Variants in ABCA9 observed in about 807,000 individuals in gnomAD.
The protein encoded by ABCA9 is ATP binding cassette subfamily A member 9, also known as ATP-binding cassette sub-family A member 9.
ABCA9 carries 183 observed loss-of-function variants against 205.3 expected under a neutral mutation model. That is an observed-to-expected ratio of 0.89 (90% CI 0.79 to 1.01). ABCA9 has a LOEUF of 1.01. Among genes scored for constraint, ABCA9 ranks in the 50% least tolerant of loss-of-function variants. ABCA9 has a pLI of 0.00. For missense variants in ABCA9, 1,805 were observed against 1,912.4 expected (o/e 0.94, Z 1.05); for synonymous variants, 651 against 683.3 (o/e 0.95, Z 0.74).
chr17:69,030,122 T>C (rs1220343472), intron 10 of ABCA9, among the ~76,000 whole-genome samples: 1 of 152,218 alleles, frequency 6.6e-6, no homozygotes, highest in East Asian at 1.9e-4. Flanking sequence ...TGTCTACATT[T>C]TTACTTACAT....
chr17:69,025,131 A>C (rs1379807359), intron 16 of ABCA9, among the ~76,000 whole-genome samples: 1 of 152,194 alleles, frequency 6.6e-6, no homozygotes, highest in African/African-American at 2.4e-5. Flanking sequence ...CTTCCAACAT[A>C]AAAATAATAT....
chr17:68,988,981 C>T (rs747789281), intron 31 of ABCA9, 46 bp downstream of exon 31: 1 of 1,182,078 alleles, frequency 8.5e-7, no homozygotes, highest in Non-Finnish European at 1.3e-6. Context: ...CATCAATATT[C>T]TTTGTAGGTA....
intron 37 of ABCA9, among the ~76,000 whole-genome samples, chr17:68,980,826 A>C (rs959596896): frequency 2.0e-5 from 3 of 151,652 alleles, no homozygotes; most frequent in African/African-American, 7.3e-5. Flanking sequence ...ATGACGAGTT[A>C]CTGGGTGCAG....
At chr17:69,069,394 C>G in the ABCA9 span, among the ~76,000 whole-genome samples, 5 of 152,132 alleles carry the variant, frequency 3.3e-5, no homozygotes, top group African/African-American at 1.2e-4. Flanking sequence ...GGGGAAGAAA[C>G]AGGTGAGTGT....
Position 69,023,953 on chromosome 17 carries a change from G to A in ABCA9, c.2281+261C>T, listed in dbSNP as rs1248995671. 6.6e-6 allele frequency among the ~76,000 whole-genome samples: 1 copy of A among 151,868 alleles called. No individual in the cohort carries two copies. The highest frequency in any genetic ancestry group is 6.6e-5 in the Admixed American group (1 of 15,256). On this transcript the variant is annotated intron_variant, in intron 17 of 38. Transcript: ENST00000340001. This position sits in a 1 kb window ranked among gnomAD's most constrained non-coding sequence, Gnocchi z 4.2. ...TTCCAAATAATTCTTATTTTATCTT[G>A]CTGCTAGCCTACGCCTCTTAATTGC...
chr17:69,054,394 G>C (rs529268119), intron 1 of ABCA9, among the ~76,000 whole-genome samples: 1 of 151,764 alleles, frequency 6.6e-6, no homozygotes, highest in African/African-American at 2.4e-5. Flanking sequence ...AGGCATGATG[G>C]CTTATGCCTG....
upstream of ABCA9, among the ~76,000 whole-genome samples, chr17:69,063,792 T>C (rs982051388): frequency 6.6e-6 from 1 of 152,196 alleles, no homozygotes; most frequent in African/African-American, 2.4e-5. Flanking sequence ...CAGGATGGTC[T>C]CGATCTCCTG....
intron 22 of ABCA9, among the ~76,000 whole-genome samples, chr17:69,015,410 T>C (rs1272989684): frequency 6.6e-6 from 1 of 152,100 alleles, no homozygotes; most frequent in Non-Finnish European, 1.5e-5. Flanking sequence ...CCTGAAGACA[T>C]AGAAGTGCAC....
At chr17:69,063,150 A>C (rs181252974), upstream of ABCA9, among the ~76,000 whole-genome samples, 2 of 147,654 alleles carry the variant, frequency 1.4e-5, no homozygotes, top group East Asian at 4.0e-4. Flanking sequence ...CTCAAATTAC[A>C]AATGCTATGC....
chr17:69,076,746 C>T, the ABCA9 span, among the ~76,000 whole-genome samples: 120,446 of 151,970 alleles, frequency 0.79, 50,922 homozygotes, highest in Non-Finnish European at 0.94. Context: ...TGGGAGATTG[C>T]GTGTTTCCAG....
At position 69,017,737 on chromosome 17, in the gene ABCA9, T is replaced by A; in HGVS notation, c.2820A>T (p.Ile940=). The part of the protein sequence containing the change: ...LHSLRRQNIA[I]EVDAFGTRNG... ...TTCTAGTTCCAAAGGCATCCACTTC[T>A]ATAGCTATGTTCTGTCGCCTCAGTG... is the stretch of plus-strand genomic sequence containing the variant. The change falls in exon 21 of 39, where the codon ATA becomes ATT. Residue 940 remains isoleucine, a synonymous_variant. Transcript: ENST00000340001. 1 of 1,613,460 alleles carries A rather than the reference T, an allele frequency of 6.2e-7. No homozygotes were observed. Among genetic ancestry groups the A allele is most frequent in the Non-Finnish European group, 8.5e-7 (1 of 1,179,500 alleles).
chr17:69,020,373 C>A lies in ABCA9; in HGVS notation c.2600+15G>T. ...GTTCACAGACAAAACAAATCTGAAACACTCAGATACTCACATAGTCCACAG... is the reference window on the plus strand; with the variant it reads ...GTTCACAGACAAAACAAATCTGAAAAACTCAGATACTCACATAGTCCACAG... On this transcript the variant is annotated intron_variant, in intron 19 of 38. Coordinates refer to ENST00000340001, the MANE Select transcript of ABCA9 (RefSeq NM_080283.4). The A allele has an allele frequency of 6.3e-7, 1 of 1,581,108 alleles. No individual in the cohort carries two copies. The highest frequency in any genetic ancestry group is 8.6e-7 in the Non-Finnish European group (1 of 1,167,612).
chr17:69,005,486 AACTCAGTC>A (rs1290871922), intron 25 of ABCA9, among the ~76,000 whole-genome samples: 22 of 152,192 alleles, frequency 1.4e-4, no homozygotes, highest in African/African-American at 5.3e-4. Context: ...CTAGGATGTT[AACTCAGTC>A]ACTCATGTAT....
intron 1 of ABCA9, among the ~76,000 whole-genome samples, chr17:69,055,246 G>A (rs1230971002): frequency 6.6e-6 from 1 of 152,132 alleles, no homozygotes; most frequent in African/African-American, 2.4e-5. Context: ...ATTACATGTT[G>A]TCTACATGAA....
At chr17:69,049,028 A>T (rs1257616235) in intron 3 of ABCA9, among the ~76,000 whole-genome samples, 1 of 152,224 alleles carries the variant, frequency 6.6e-6, no homozygotes, top group Non-Finnish European at 1.5e-5. Context: ...TTTCACAAAC[A>T]TACATTTAAA....
In ABCA9 at chr17:68,983,776, G is replaced by T; in HGVS notation, c.4573C>A (p.Leu1525Met). The T allele has an allele frequency of 6.2e-7, 1 of 1,614,184 alleles. No individual in the cohort carries two copies. The highest frequency in any genetic ancestry group is 8.5e-7 in the Non-Finnish European group (1 of 1,180,036). ...GCATGGAGGGGCTCCATTTGTGCCA[G>T]GTTCTTCAGCTTCATCTCCAGCAGG... ...DYLLEMKLKNLAQMEPLHAEI... is the reference protein window; with the variant it reads ...DYLLEMKLKNMAQMEPLHAEI... The change falls in exon 36 of 39, where the codon CTG becomes ATG. Residue 1525 changes from leucine to methionine, a missense_variant. Transcript: ENST00000340001.
intron 21 of ABCA9, 50 bp downstream of exon 21, chr17:69,017,606 A>T: frequency 3.7e-6 from 6 of 1,600,844 alleles, no homozygotes; most frequent in Non-Finnish European, 5.1e-6. Flanking sequence ...TTCAAATTGT[A>T]CACCCATAGT....
At chr17:69,000,366 C>A (rs1054841015) in intron 25 of ABCA9, among the ~76,000 whole-genome samples, 1 of 151,416 alleles carries the variant, frequency 6.6e-6, no homozygotes, top group Non-Finnish European at 1.5e-5. Flanking sequence ...TTTCCCAGCA[C>A]CATTTATTAA....
chr17:68,996,652 C>T (rs955447466), intron 25 of ABCA9, among the ~76,000 whole-genome samples: 8 of 152,184 alleles, frequency 5.3e-5, no homozygotes, highest in Middle Eastern at 6.3e-3. Flanking sequence ...CGTCACACCA[C>T]ACATCATTGA....
Sources: gnomAD v4.1 joint callset for allele counts (sites outside exome capture counted in the v4.1 genomes callset) on GRCh38, gnomAD v4.1.1 for gene constraint, Gnocchi (gnomAD v3.1) non-coding constraint, MANE v1.5 for transcripts, NCBI Gene and HGNC (gene_info 2026-07-23, HGNC 2026-07-21) for gene names.